The following ARID1A variants were observed in gnomAD, a reference collection of about 807,000 sequenced individuals.
ARID1A encodes the protein AT-rich interaction domain 1A.
A neutral mutation model predicts 212.6 loss-of-function variants in ARID1A; 20 were observed. The ratio of observed to expected loss-of-function variants is 0.09; its 90% CI spans 0.07 to 0.14. The LOEUF is 0.14. ARID1A is among the 10% of genes least tolerant of loss of function. ARID1A has a pLI of 1.00. For missense variants in ARID1A, 2,587 were observed against 3,059.0 expected, an observed-to-expected ratio of 0.85 and a Z score of 3.64; for synonymous variants, 1,376 against 1,222.1, an observed-to-expected ratio of 1.13 and a Z score of -2.63.
chr1:26,696,244 G>A lies in ARID1A; in HGVS notation c.-160G>A, dbSNP rs868031460. The A allele has an allele frequency of 1.4e-5, 13 of 952,414 alleles. No individual in the cohort carries two copies. The highest frequency in any genetic ancestry group is 5.2e-5 in the South Asian group (1 of 19,354). 59.0% of individuals were successfully genotyped at this position (952,414 alleles called of 1,614,324 possible). ...GCCCGGAGCCTGAGCCGGCGGGGCG[G>A]GGGGGAGAGGAGCGAGCGCAGCGCA... On this transcript the variant is annotated 5_prime_UTR_variant, in exon 1 of 20. Coordinates refer to ENST00000324856, the MANE Select transcript of ARID1A (RefSeq NM_006015.6).
At position 26,772,589 on chromosome 1, in the gene ARID1A, G is replaced by A. The variant is rs2081092094; in HGVS notation, c.3496G>A (p.Ala1166Thr). The A allele has an allele frequency of 2.5e-6, 4 of 1,614,188 alleles. No individual in the cohort carries two copies. The highest frequency in any genetic ancestry group is 2.5e-6 in the Non-Finnish European group (3 of 1,180,034). The stretch of plus-strand genomic sequence containing the variant: ...AGGAGACTTAAAGCCACCAACTCCA[G>A]CATCCACACCACACAGTCAGATCCC... ...EGGDLKPPTPASTPHSQIPPL... is the reference protein window; with the variant it reads ...EGGDLKPPTPTSTPHSQIPPL... Residue 1166 changes from alanine (A) to threonine (T), a missense_variant, in exon 13 of 20, where the codon GCA (alanine) becomes ACA (threonine). Ala to Thr is a moderately conservative substitution (Grantham distance 58). Coordinates refer to ENST00000324856, the MANE Select transcript of ARID1A (RefSeq NM_006015.6).
intron 5 of ARID1A, 26 bp from the exon 6 acceptor site, chr1:26,761,358 C>T (rs1290669006): frequency 6.2e-7 from 1 of 1,612,732 alleles, no homozygotes; most frequent in Admixed American, 1.7e-5. Context: ...CCATGATATG[C>T]TTATGTTGTT....
chr1:26,757,508 A>G (rs2080951878), intron 4 of ARID1A, among the ~76,000 whole-genome samples: 2 of 151,856 alleles, frequency 1.3e-5, no homozygotes, highest in Admixed American at 6.6e-5. Flanking sequence ...GCACAAAGAT[A>G]CGCACCAAAT....
At chr1:26,732,354 G>T (rs976498369) in intron 3 of ARID1A, among the ~76,000 whole-genome samples, 2 of 152,134 alleles carry the variant, frequency 1.3e-5, no homozygotes, top group African/African-American at 4.8e-5. Flanking sequence ...TAATGCAGAG[G>T]TTCTAGCATG....
rs1279351877 is a variant in ARID1A, at chr1:26,779,151, C to A, written c.5253C>A (p.Ser1751Arg). ...QRTLLDPGRFSKVSSPAPMEG... is the reference protein window; with the variant it reads ...QRTLLDPGRFRKVSSPAPMEG... ...CGCTACTGGATCCTGGGAGGTTCAG[C>A]AAGGTGTCTAGTCCAGCTCCCATGG... The change falls in exon 20 of 20, where the codon AGC (serine) becomes AGA (arginine). Residue 1751 changes from serine (S) to arginine (R), a missense_variant. Coordinates refer to ENST00000324856, the MANE Select transcript of ARID1A (RefSeq NM_006015.6). 1 of 1,593,338 alleles carries A rather than the reference C, an allele frequency of 6.3e-7. No homozygotes were observed. Among genetic ancestry groups the A allele is most frequent in the Non-Finnish European group, 8.6e-7 (1 of 1,168,270 alleles).
intron 4 of ARID1A, among the ~76,000 whole-genome samples, chr1:26,744,162 C>T (rs1446686093): frequency 6.6e-6 from 1 of 152,212 alleles, no homozygotes; most frequent in Non-Finnish European, 1.5e-5. Flanking sequence ...AACGCTGGTT[C>T]TCTGGGCTGG....
At chr1:26,738,876 GTTTTTTTTT>G (rs35110787) in intron 4 of ARID1A, among the ~76,000 whole-genome samples, 1 of 116,674 alleles carries the variant, frequency 8.6e-6, no homozygotes, top group Admixed American at 8.9e-5. Context: ...CTTTTCTTTT[GTTTTTTTTT>G]TTTTTTTTGA....
At chr1:26,713,094 C>T (rs2080468829) in intron 1 of ARID1A, among the ~76,000 whole-genome samples, 1 of 152,202 alleles carries the variant, frequency 6.6e-6, no homozygotes, top group Non-Finnish European at 1.5e-5. Flanking sequence ...TCTGTGATTT[C>T]ATATTTGTAT....
At chr1:26,743,008 A>G (rs1163804792) in intron 4 of ARID1A, among the ~76,000 whole-genome samples, 4 of 152,146 alleles carry the variant, frequency 2.6e-5, no homozygotes, top group African/African-American at 9.7e-5. Context: ...GGGCTTTGGA[A>G]CGTCATAAAT....
chr1:26,770,914 G>C (rs1275085475), intron 11 of ARID1A: 2 of 587,916 alleles, frequency 3.4e-6, no homozygotes, highest in Non-Finnish European at 6.0e-6. Flanking sequence ...GATAGTTGCA[G>C]TGGAACATCC....
chr1:26,757,469 C>CA (rs753801327), intron 4 of ARID1A, among the ~76,000 whole-genome samples: 2,299 of 63,214 alleles, frequency 0.036, 40 homozygotes, highest in Admixed American at 0.11. Flanking sequence ...GACTCCGTCT[C>CA]AAAAAAAAAA....
At position 26,697,102 on chromosome 1, in the gene ARID1A, C is replaced by G. The variant is rs2124743151; in HGVS notation, c.699C>G (p.Ser233=). The G allele has an allele frequency of 6.8e-7, 1 of 1,466,076 alleles. No homozygotes were observed. The highest frequency in any genetic ancestry group is 2.8e-5 in the Admixed American group (1 of 35,738). The allele number at this position is 1,466,076 out of a possible 1,614,324, so 90.8% of individuals were successfully genotyped here. A position where few individuals can be genotyped will look rare whatever the true frequency, so the allele number is the denominator to read the frequency against. Residue 233 remains serine (S), a synonymous_variant, in exon 1 of 20, where the codon TCC becomes TCG. Coordinates refer to ENST00000324856, the MANE Select transcript of ARID1A (RefSeq NM_006015.6). ...PPPAPAYALS[S]PRGGTPGSGA... ...CCGCCCCGGCCTACGCGCTGAGCTC[C>G]CCGAGAGGTGGCACTCCGGGCTCCG...
chr1:26,754,380 A>G (rs1001628449), intron 4 of ARID1A, among the ~76,000 whole-genome samples: 4 of 152,196 alleles, frequency 2.6e-5, no homozygotes, highest in African/African-American at 7.2e-5. Context: ...AATATTTACT[A>G]TGACTAGCCA....
intron 4 of ARID1A, among the ~76,000 whole-genome samples, chr1:26,751,124 G>A (rs1441074067): frequency 4.6e-5 from 7 of 151,866 alleles, no homozygotes; most frequent in South Asian, 4.2e-4. Flanking sequence ...GCGTGGTGGC[G>A]AGGGTCTGTA....
intron 1 of ARID1A, among the ~76,000 whole-genome samples, chr1:26,707,498 C>A (rs542463281): frequency 2.6e-5 from 4 of 151,774 alleles, no homozygotes; most frequent in Admixed American, 1.3e-4. Flanking sequence ...TAAGCCACCA[C>A]GCCCGGCCTA....
chr1:26,705,864 A>G (rs1004388113), intron 1 of ARID1A, among the ~76,000 whole-genome samples: 14 of 152,230 alleles, frequency 9.2e-5, no homozygotes, highest in Non-Finnish European at 1.3e-4. Flanking sequence ...TCTATTTCCC[A>G]GTGGCTTCTG....
chr1:26,709,329 A>G (rs1237061726), intron 1 of ARID1A, among the ~76,000 whole-genome samples: 2 of 152,042 alleles, frequency 1.3e-5, no homozygotes, highest in East Asian at 1.9e-4. Context: ...AGTTGATACC[A>G]CTATTCCCAC....
At chr1:26,753,120 AC>A (rs2080899034) in intron 4 of ARID1A, 1 of 152,046 alleles carries the variant, frequency 6.6e-6, no homozygotes, top group African/African-American at 2.4e-5. Context: ...CCCTCCTCTA[AC>A]CCTGATCTGG....
intron 4 of ARID1A, among the ~76,000 whole-genome samples, chr1:26,758,490 G>A (rs764314836): frequency 2.0e-5 from 3 of 152,086 alleles, no homozygotes; most frequent in Admixed American, 6.6e-5. Flanking sequence ...GTGGTGGTGC[G>A]TGCCTGTAGT....
Sources: allele counts gnomAD v4.1 joint callset (sites outside exome capture counted in the v4.1 genomes callset), GRCh38; gene constraint gnomAD v4.1.1; transcripts MANE v1.5; gene names NCBI Gene and HGNC (gene_info 2026-07-23, HGNC 2026-07-21).